AUTS2: variants seen among roughly 807,000 people sequenced by gnomAD.
AUTS2 encodes the protein activator of transcription and developmental regulator AUTS2, also known as autism susceptibility gene 2 protein.
In AUTS2, 17 loss-of-function variants were observed where a neutral mutation model predicts 112.4. The ratio of observed to expected loss-of-function variants is 0.15; its 90% CI spans 0.10 to 0.23. The LOEUF (loss-of-function observed/expected upper bound fraction) is 0.23, where lower values mean the gene tolerates loss of function less well. AUTS2 is among the 10% of genes least tolerant of loss of function. The pLI, the probability that AUTS2 is intolerant of heterozygous loss-of-function variation, is 1.00. For synonymous variants in AUTS2, 751 were observed against 702.7 expected, an observed-to-expected ratio of 1.07 and a Z score of -1.09; for missense variants, 1,510 against 1,701.6, an observed-to-expected ratio of 0.89 and a Z score of 1.98.
At chr7:70,388,146 T>C (rs1793696474) in intron 4 of AUTS2, among the ~76,000 whole-genome samples, 1 of 152,236 alleles carries the variant, frequency 6.6e-6, no homozygotes. Flanking sequence ...ATTCTATGTG[T>C]TGAAATCCTC....
intron 2 of AUTS2, among the ~76,000 whole-genome samples, chr7:70,088,609 GTTTT>G (rs1405854602): frequency 6.9e-6 from 1 of 145,422 alleles, no homozygotes; most frequent in Non-Finnish European, 1.5e-5. Context: ...TTGTTTGTTT[GTTTT>G]GTTTTGTTTT....
rs1398295146 is a variant in AUTS2, at chr7:70,694,341, C to T, written c.691-4228C>T. On this transcript the variant is annotated intron_variant, in intron 5 of 18. Transcript: ENST00000342771. The surrounding 1 kb of genome is among the most constrained non-coding windows in gnomAD (Gnocchi z 4.1). The stretch of plus-strand genomic sequence containing the variant: ...CCGTTGCAGCGCCTCCTGGGCCGCG[C>T]GCCGGCGAGATCCGCACAAAATCCA... 1 of 149,490 alleles carries T rather than the reference C, an allele frequency of 6.7e-6. No individual in the cohort carries two copies. The highest frequency in any genetic ancestry group is 1.5e-5 in the Non-Finnish European group (1 of 67,304). 9.3% of individuals were successfully genotyped at this position (149,490 alleles called of 1,614,324 possible).
chr7:69,812,855 C>T (rs1790601476), intron 1 of AUTS2, among the ~76,000 whole-genome samples: 1 of 152,138 alleles, frequency 6.6e-6, no homozygotes, highest in Non-Finnish European at 1.5e-5. Context: ...TCTGAGTTGC[C>T]ATCATGTTTC....
chr7:70,258,409 G>T (rs1786994006), intron 4 of AUTS2, among the ~76,000 whole-genome samples: 1 of 152,212 alleles, frequency 6.6e-6, no homozygotes, highest in Admixed American at 6.5e-5. Flanking sequence ...AACAGTGTTG[G>T]TTCAGCTGTT....
intron 5 of AUTS2, among the ~76,000 whole-genome samples, chr7:70,460,044 A>C (rs11760753): frequency 2.6e-5 from 4 of 152,048 alleles, no homozygotes; most frequent in Non-Finnish European, 4.4e-5. Context: ...AGTCATCCCC[A>C]CAGCCCCGGG....
At chr7:70,298,560 C>T (rs1172086580) in intron 4 of AUTS2, among the ~76,000 whole-genome samples, 2 of 152,148 alleles carry the variant, frequency 1.3e-5, no homozygotes, top group African/African-American at 4.8e-5. Flanking sequence ...TGCAGTGTCC[C>T]AAGAGATAAA....
intron 5 of AUTS2, among the ~76,000 whole-genome samples, chr7:70,641,282 G>A (rs187914662): frequency 2.6e-5 from 4 of 152,298 alleles, no homozygotes; most frequent in Admixed American, 6.5e-5. Flanking sequence ...AGGCGCGGTG[G>A]CTCATGCCTG....
intron 2 of AUTS2, among the ~76,000 whole-genome samples, chr7:69,906,814 T>C (rs1193042656): frequency 6.6e-6 from 1 of 152,124 alleles, no homozygotes; most frequent in South Asian, 2.1e-4. Context: ...GGGTCAAACA[T>C]ACAGTTATTG....
rs1028656252 is a variant in AUTS2, at chr7:70,787,212, C to G, written c.2312C>G (p.Pro771Arg). The change falls in exon 18 of 19, where the codon CCC becomes CGC. Residue 771 changes from proline to arginine, a missense_variant. This residue lies in a region of AUTS2 where 788 missense variants were observed against 797.6 expected (regional missense o/e 0.99). Transcript: ENST00000342771. ...GTTCTCCACTTCACCATTTCAGCAC[C>G]CAACTCAATGTTCGGCCACAAGGAT... ...FGGLGNPSVT[P>R]NSMFGHKDGP... The G allele has an allele frequency of 6.2e-7, 1 of 1,614,114 alleles. No homozygotes were observed. Among genetic ancestry groups the G allele is most frequent in the East Asian group, 2.2e-5 (1 of 44,866 alleles).
rs563049012 is a variant in AUTS2, at chr7:70,459,495, A to G, written c.690+23714A>G. On this transcript the variant is annotated intron_variant, in intron 5 of 18. Transcript: ENST00000342771. ...CTCCGATAGCTAAGCTGTCATACAT[A>G]GTCCAGGGTCCGTGTGAGCCCCAGC... is the stretch of plus-strand genomic sequence containing the variant. Among the ~76,000 whole-genome samples, 7 of 152,294 alleles carry G rather than the reference A, an allele frequency of 4.6e-5. No individual in the cohort carries two copies. The South Asian group carries it at 1.5e-3, about 32-fold the overall frequency.
chr7:70,004,809 C>CTTTATTTATTTA (rs35522970), intron 2 of AUTS2, among the ~76,000 whole-genome samples: 74 of 149,444 alleles, frequency 5.0e-4, no homozygotes, highest in African/African-American at 1.8e-3. Flanking sequence ...GAATTAATGA[C>CTTTATTTATTTA]TTTATTTATT....
intron 2 of AUTS2, among the ~76,000 whole-genome samples, chr7:70,024,342 T>G (rs900479056): frequency 6.6e-6 from 1 of 152,206 alleles, no homozygotes; most frequent in Non-Finnish European, 1.5e-5. Context: ...ACAACATGTG[T>G]TACATGAAAT....
At chr7:69,685,497 ACTAAG>A (rs1797023291) in intron 1 of AUTS2, among the ~76,000 whole-genome samples, 1 of 152,188 alleles carries the variant, frequency 6.6e-6, no homozygotes, top group Non-Finnish European at 1.5e-5. Flanking sequence ...TCTTAGACAA[ACTAAG>A]CTATTTGTCC....
At chr7:70,120,169 T>G (rs778950454) in intron 3 of AUTS2, 31 of 152,174 alleles carry the variant, frequency 2.0e-4, no homozygotes, top group Non-Finnish European at 4.3e-4. Context: ...AATTCCGAGA[T>G]ACAATCACAT....
chr7:69,760,932 G>A (rs559444714), intron 1 of AUTS2, among the ~76,000 whole-genome samples: 10 of 152,278 alleles, frequency 6.6e-5, no homozygotes, highest in Admixed American at 3.9e-4. Flanking sequence ...CGAATCTCTG[G>A]TTGTAGTTAT....
chr7:69,972,224 A>C (rs1401598556), intron 2 of AUTS2, among the ~76,000 whole-genome samples: 1 of 151,942 alleles, frequency 6.6e-6, no homozygotes, highest in Non-Finnish European at 1.5e-5. Context: ...TCATTTGCTT[A>C]TTTGTCATTT....
chr7:70,077,982 C>T (rs571132975), intron 2 of AUTS2, among the ~76,000 whole-genome samples: 16 of 152,232 alleles, frequency 1.1e-4, no homozygotes, highest in Admixed American at 7.9e-4. Flanking sequence ...GTGGATATGC[C>T]GGTCTCATTC....
intron 4 of AUTS2, among the ~76,000 whole-genome samples, chr7:70,227,284 A>G (rs1055311214): frequency 3.3e-5 from 5 of 151,672 alleles, no homozygotes; most frequent in Admixed American, 1.3e-4. Context: ...TTTTGGGCCT[A>G]CTTTTTTCTG....
chr7:70,466,539 G>C lies in AUTS2; in HGVS notation c.690+30758G>C, dbSNP rs990104465. On this transcript the variant is annotated intron_variant, in intron 5 of 18. Transcript: ENST00000342771. Reference sequence around the variant, plus strand: ...ATGTTCACTGCCCTTAAAATGTAAGGTGAAATACAACCTTTATAGTGTCCA... The same window carrying C: ...ATGTTCACTGCCCTTAAAATGTAAGCTGAAATACAACCTTTATAGTGTCCA... 2.0e-5 allele frequency among the ~76,000 whole-genome samples: 3 copies of C among 152,196 alleles called. No individual in the cohort carries two copies. The South Asian group carries it at 6.2e-4, about 32-fold the overall frequency.
Sources: gnomAD v4.1 joint callset for allele counts (sites outside exome capture counted in the v4.1 genomes callset) on GRCh38, gnomAD v4.1.1 for gene constraint, gnomAD v4.1.1 regional missense constraint, Gnocchi (gnomAD v3.1) non-coding constraint, MANE v1.5 for transcripts, NCBI Gene and HGNC (gene_info 2026-07-23, HGNC 2026-07-21) for gene names.